NID1: variants seen among roughly 807,000 people sequenced by gnomAD.
NID1 encodes nidogen-1.
In NID1, 76 loss-of-function variants were observed where a neutral mutation model predicts 130.6. The observed-to-expected ratio is 0.58, with a 90% CI of 0.48 to 0.70. The LOEUF (loss-of-function observed/expected upper bound fraction) is 0.70, where lower values mean the gene tolerates loss of function less well. NID1 is among the 30% of genes least tolerant of loss of function. The pLI, the probability that NID1 is intolerant of heterozygous loss-of-function variation, is 0.00. For missense variants in NID1, 1,517 were observed against 1,664.8 expected, an observed-to-expected ratio of 0.91 and a Z score of 1.54; for synonymous variants, 665 against 675.1, an observed-to-expected ratio of 0.98 and a Z score of 0.23.
In NID1 at chr1:236,032,575, T is replaced by A; in HGVS notation, c.1363A>T (p.Asn455Tyr). 5.0e-6 allele frequency: 8 copies of A among 1,614,078 alleles called. No homozygotes were observed. The highest frequency in any genetic ancestry group is 6.8e-6 in the Non-Finnish European group (8 of 1,180,032). Residue 455 changes from asparagine to tyrosine, a missense_variant, in exon 6 of 20, where the codon AAC (asparagine) becomes TAC (tyrosine). Physicochemically the swap from Asn to Tyr is moderately radical, Grantham distance 143. Transcript: ENST00000264187. ...GSSQVPIVFE[N>Y]TDLHSYVVMN... is the part of the protein sequence containing the mutation. The stretch of plus-strand genomic sequence containing the variant: ...ACTACGTAAGAGTGGAGGTCAGTGT[T>A]CTCAAAGACAATGGGGACCTGGCTG...
At chr1:236,047,450 T>A (rs1462859916) in intron 2 of NID1, among the ~76,000 whole-genome samples, 2 of 152,172 alleles carry the variant, frequency 1.3e-5, no homozygotes, top group East Asian at 3.9e-4. Context: ...AAAAAGTCAC[T>A]TCAGGTCTAA....
At chr1:235,983,101 C>T (rs1657484030) in intron 15 of NID1, among the ~76,000 whole-genome samples, 1 of 152,206 alleles carries the variant, frequency 6.6e-6, no homozygotes, top group African/African-American at 2.4e-5. Flanking sequence ...TCTCAAACTC[C>T]TGACCTCAAG....
In NID1 at chr1:236,029,845, G is replaced by C. The variant is rs2273586; in HGVS notation, c.1538-95C>G. On this transcript the variant is annotated intron_variant, in intron 6 of 19. Transcript: ENST00000264187. The stretch of plus-strand genomic sequence containing the variant: ...AGTGTGGAGTGGGGTTGGTGCGAAC[G>C]CTTCTGCAGGTGCTTTGGTTTGGCT... 410,301 of 1,137,636 alleles carry C rather than the reference G, an allele frequency of 0.36. 76,381 individuals are homozygous for C. The highest frequency in any genetic ancestry group is 0.56 in the African/African-American group (36,779 of 66,216). 70.5% of individuals were successfully genotyped at this position (1,137,636 alleles called of 1,614,324 possible).
rs1446865784 is a variant in NID1 at position 235,981,699 on chromosome 1, C to G, written c.3139G>C (p.Val1047Leu). The G allele has an allele frequency of 1.9e-6, 3 of 1,614,252 alleles. No individual in the cohort carries two copies. Among genetic ancestry groups the G allele is most frequent in the Non-Finnish European group, 2.5e-6 (3 of 1,180,044 alleles). The change falls in exon 16 of 20, where the codon GTG (valine) becomes CTG (leucine). Residue 1047 changes from valine (V) to leucine (L), a missense_variant. Physicochemically the swap from Val to Leu is conservative, Grantham distance 32 (BLOSUM62 1). Around this residue, in one of 3 missense-constraint regions of NID1, gnomAD observed 1,329 missense variants for 1,429.2 expected, o/e 0.93. Coordinates refer to ENST00000264187, the MANE Select transcript of NID1 (RefSeq NM_002508.3). ...WTDSNLDRIEVAKLDGTQRRV... is the reference protein window; with the variant it reads ...WTDSNLDRIELAKLDGTQRRV... ...CGCTGCGTGCCGTCCAGCTTCGCCA[C>G]TTCTATTCGATCCAGGTTAGAGTCT... is the stretch of plus-strand genomic sequence containing the variant.
intron 14 of NID1, among the ~76,000 whole-genome samples, chr1:235,987,675 TAC>T (rs1657613367): frequency 6.6e-6 from 1 of 152,162 alleles, no homozygotes; most frequent in Non-Finnish European, 1.5e-5. Flanking sequence ...ATTGTTCAGG[TAC>T]AAGAAACCCT....
intron 5 of NID1, among the ~76,000 whole-genome samples, chr1:236,036,421 T>C (rs1023716386): frequency 6.6e-6 from 1 of 152,250 alleles, no homozygotes; most frequent in Non-Finnish European, 1.5e-5. Context: ...AATTTAATTA[T>C]AACTATGGCA....
At chr1:236,032,248 CA>C (rs777715011) in intron 6 of NID1, among the ~76,000 whole-genome samples, 152 bp downstream of exon 6, 9 of 152,184 alleles carry the variant, frequency 5.9e-5, no homozygotes, top group Non-Finnish European at 1.3e-4. Context: ...ATTTCCAAGA[CA>C]GAACTACAGG....
intron 1 of NID1, among the ~76,000 whole-genome samples, chr1:236,050,552 CAA>C (rs71868379): frequency 0.013 from 1,660 of 128,366 alleles, 32 homozygotes; most frequent in African/African-American, 0.042. Context: ...AATTCCATTT[CAA>C]AAAAAAAAAA....
rs1179124574 is a variant in NID1, at chr1:236,038,372, G to A, written c.1136-119C>T. ...ACTCACACCTGCATGGGCAATTCAA[G>A]GGACCAGGCTCACTACAGAAGATTA... On this transcript the variant is annotated intron_variant, in intron 4 of 19. Transcript: ENST00000264187. The A allele has an allele frequency of 2.2e-5, 23 of 1,041,072 alleles. No individual in the cohort carries two copies. In the East Asian group the frequency reaches 4.7e-4, roughly 21 times the overall value. The allele number at this position is 1,041,072 out of a possible 1,614,324, so 64.5% of individuals were successfully genotyped here.
chr1:236,013,644 G>C, intron 10 of NID1, 84 bp from the exon 11 acceptor site: 1 of 1,523,082 alleles, frequency 6.6e-7, no homozygotes, highest in Non-Finnish European at 9.0e-7. Flanking sequence ...TATAAAGAGA[G>C]ACCATGCCTG....
rs952027039 is a variant in NID1, at chr1:235,981,499, G to A, written c.3227+112C>T. 54 of 1,186,796 alleles carry A rather than the reference G, an allele frequency of 4.6e-5. No homozygotes were observed. The Middle Eastern group carries it at 6.1e-4, about 13-fold the overall frequency. 73.5% of individuals were successfully genotyped at this position (1,186,796 alleles called of 1,614,324 possible). A position where few individuals can be genotyped will look rare whatever the true frequency, so the allele number is the denominator to read the frequency against. On this transcript the variant is annotated intron_variant, in intron 16 of 19. Coordinates refer to ENST00000264187, the MANE Select transcript of NID1 (RefSeq NM_002508.3). ...CCAAAACTGTAGACTCTTTCGTCCC[G>A]TACTCATTAATTTCAGGAGACCAAT...
chr1:236,064,737 C>A, intron 1 of NID1, 118 bp downstream of exon 1: 1 of 873,756 alleles, frequency 1.1e-6, no homozygotes, highest in Non-Finnish European at 1.7e-6. Flanking sequence ...TGCCCGGTGC[C>A]CCGGCGGCCA....
intron 13 of NID1, 30 bp from the exon 14 acceptor site, chr1:235,991,088 GC>G: frequency 6.5e-7 from 1 of 1,541,984 alleles, no homozygotes; most frequent in Non-Finnish European, 8.7e-7. Context: ...AGTGAGGGAG[GC>G]CCGTGTGCAC....
chr1:236,015,647 C>CAAAAAAAA (rs71559908), intron 10 of NID1, among the ~76,000 whole-genome samples: 4 of 80,046 alleles, frequency 5.0e-5, no homozygotes, highest in Non-Finnish European at 7.3e-5. Context: ...AACCCTGTCT[C>CAAAAAAAA]AAAAAAAAAA....
At chr1:236,063,545 A>G (rs1352509149) in intron 1 of NID1, among the ~76,000 whole-genome samples, 2 of 152,068 alleles carry the variant, frequency 1.3e-5, no homozygotes, top group African/African-American at 4.8e-5. Context: ...AGAGCATAAG[A>G]TGTGTGTTTT....
At chr1:236,001,527 C>T (rs1357928808) in intron 12 of NID1, among the ~76,000 whole-genome samples, 3 of 152,222 alleles carry the variant, frequency 2.0e-5, no homozygotes, top group Non-Finnish European at 4.4e-5. Context: ...GGGCAATGTC[C>T]ATCTGACATG....
intron 1 of NID1, among the ~76,000 whole-genome samples, chr1:236,049,820 G>A (rs535991312): frequency 5.3e-5 from 8 of 151,312 alleles, no homozygotes; most frequent in Admixed American, 2.0e-4. Flanking sequence ...TGGGCAGATC[G>A]CGAGGTCAGG....
rs1204038809 is a variant in NID1, at chr1:236,064,939, C to T, written c.141G>A (p.Glu47=). The change falls in exon 1 of 20, where the codon GAG becomes GAA. Residue 47 remains glutamate, a synonymous_variant. Coordinates refer to ENST00000264187, the MANE Select transcript of NID1 (RefSeq NM_002508.3). ...FGPGQGDLEL[E]DGDDFVSPAL... ...CAGGAGAGACGAAGTCATCCCCGTC[C>T]TCCAGCTCCAGGTCCCCCTGTCCGG... The T allele has an allele frequency of 1.4e-5, 23 of 1,609,122 alleles. No individual in the cohort carries two copies. Among genetic ancestry groups the T allele is most frequent in the Non-Finnish European group, 1.8e-5 (21 of 1,178,142 alleles).
At position 236,024,112 on chromosome 1, in the gene NID1, C is replaced by A. The variant is rs565155740; in HGVS notation, c.2086G>T (p.Glu696Ter). 4 of 1,614,244 alleles carry A rather than the reference C, an allele frequency of 2.5e-6. No homozygotes were observed. The Admixed American group carries it at 6.7e-5, about 27-fold the overall frequency. Residue 696 changes from glutamate (E) to a stop codon, truncating the protein, a stop_gained, in exon 9 of 20, where the codon GAG (glutamate) becomes TAG (stop). Transcript: ENST00000264187. LOFTEE classifies it high-confidence loss of function. ...TCTCCTCGGAAGCCGATGGAGCACT[C>A]GCAGGTGAACTGTGTCCTGGGACCA... ...RPGPRTQFTCECSIGFRGDGR... is the reference protein window; with the variant it reads ...RPGPRTQFTC
Sources: allele counts gnomAD v4.1 joint callset (sites outside exome capture counted in the v4.1 genomes callset), GRCh38; gene constraint gnomAD v4.1.1; regional missense constraint gnomAD v4.1.1; transcripts MANE v1.5; gene names NCBI Gene and HGNC (gene_info 2026-07-23, HGNC 2026-07-21).